The following SLC27A2 variants were observed in gnomAD, a reference collection of about 807,000 sequenced individuals.
The protein encoded by SLC27A2 is solute carrier family 27 member 2.
In SLC27A2, 54 loss-of-function variants were observed where a neutral mutation model predicts 60.0. That is an observed-to-expected ratio of 0.90 (90% CI 0.72 to 1.13). The LOEUF is 1.13. Among genes scored for constraint, SLC27A2 ranks in the 50% most tolerant of loss-of-function variants. The pLI, the probability that SLC27A2 is intolerant of heterozygous loss-of-function variation, is 0.00. For missense variants in SLC27A2, 739 were observed against 777.6 expected, an observed-to-expected ratio of 0.95 and a Z score of 0.59; for synonymous variants, 297 against 297.6, an observed-to-expected ratio of 1.00 and a Z score of 0.02.
At chr15:50,199,496 A>AG (rs1415237386) in intron 2 of SLC27A2, among the ~76,000 whole-genome samples, 4 of 151,712 alleles carry the variant, frequency 2.6e-5, no homozygotes, top group Middle Eastern at 3.4e-3. Context: ...AAAAAAAGAA[A>AG]GAAAAAAAAA....
intron 4 of SLC27A2, among the ~76,000 whole-genome samples, chr15:50,205,869 G>A (rs1272798111): frequency 2.0e-5 from 3 of 152,094 alleles, no homozygotes; most frequent in African/African-American, 7.2e-5. Context: ...TTATACCGAA[G>A]GCATACAGGA....
chr15:50,222,825 G>A (rs1393342807), intron 4 of SLC27A2, 140 bp from the exon 5 acceptor site: 4 of 655,868 alleles, frequency 6.1e-6, no homozygotes, highest in South Asian at 5.1e-5. Flanking sequence ...ACACTAAGGG[G>A]CATTTATAAC....
In SLC27A2 at chr15:50,235,910, TG is replaced by T. The variant is rs766836135; in HGVS notation, c.1687-9del. On this transcript the variant is annotated splice_polypyrimidine_tract_variant and intron_variant, in intron 9 of 9. Transcript: ENST00000267842. ...TGCAACCAAAATGTGGATTATTTGA[TG>T]TTTTTCAGGACACCATTGAGATCAC... The T allele has an allele frequency of 2.5e-6, 4 of 1,601,320 alleles. No homozygotes were observed. The highest frequency in any genetic ancestry group is 3.4e-6 in the Non-Finnish European group (4 of 1,170,648).
intron 7 of SLC27A2, among the ~76,000 whole-genome samples, chr15:50,228,148 C>T (rs760915437): frequency 3.3e-5 from 5 of 151,996 alleles, no homozygotes; most frequent in Admixed American, 1.3e-4. Context: ...GAGGCCGAGG[C>T]GGGTGGATCA....
intron 3 of SLC27A2, among the ~76,000 whole-genome samples, chr15:50,204,461 C>T (rs561835216): frequency 4.0e-5 from 6 of 151,334 alleles, no homozygotes; most frequent in Admixed American, 6.6e-5. Context: ...GGGCCAGGTA[C>T]GGTGGCTCAC....
chr15:50,222,097 T>C (rs1279427105), intron 4 of SLC27A2: 2 of 152,272 alleles, frequency 1.3e-5, no homozygotes, highest in Non-Finnish European at 2.9e-5. Flanking sequence ...GAAGGCAGCC[T>C]GGTCATAGCC....
intron 4 of SLC27A2, among the ~76,000 whole-genome samples, chr15:50,214,156 A>G (rs530890350): frequency 2.0e-5 from 3 of 152,262 alleles, no homozygotes; most frequent in African/African-American, 7.2e-5. Context: ...TGAAATACAA[A>G]AGATCATTCA....
Position 50,202,509 on chromosome 15 carries a change from C to G in SLC27A2, c.711C>G (p.Ile237Met). The G allele has an allele frequency of 6.2e-7, 1 of 1,614,158 alleles. No individual in the cohort carries two copies. Among genetic ancestry groups the G allele is most frequent in the Non-Finnish European group, 8.5e-7 (1 of 1,180,014 alleles). Residue 237 changes from isoleucine to methionine, a missense_variant, in exon 3 of 10, where the codon ATC becomes ATG. Ile to Met is a conservative substitution (Grantham distance 10). Coordinates refer to ENST00000267842, the MANE Select transcript of SLC27A2 (RefSeq NM_003645.4). Reference sequence around the variant, plus strand: ...AAGGTCTTCCAAAAGCAGCCATGATCACTCATCAGCGCATATGGTATGGAA... The same window carrying G: ...AAGGTCTTCCAAAAGCAGCCATGATGACTCATCAGCGCATATGGTATGGAA... ...GTTGLPKAAM[I>M]THQRIWYGTG... is the part of the protein sequence containing the mutation.
chr15:50,229,916 C>T (rs1470516513), intron 8 of SLC27A2, among the ~76,000 whole-genome samples: 2 of 152,118 alleles, frequency 1.3e-5, no homozygotes, highest in Non-Finnish European at 2.9e-5. Context: ...GACACTTCTA[C>T]ATGGCCCTGT....
Position 50,227,712 on chromosome 15 carries a change from C to T in SLC27A2, c.1457+534C>T, listed in dbSNP as rs563628826. 6.6e-5 allele frequency among the ~76,000 whole-genome samples: 10 copies of T among 152,306 alleles called. No homozygotes were observed. The South Asian group carries it at 2.1e-3, about 32-fold the overall frequency. On this transcript the variant is annotated intron_variant, in intron 7 of 9. Coordinates refer to ENST00000267842, the MANE Select transcript of SLC27A2 (RefSeq NM_003645.4). ...ATTAACTTCCAACCATAGCACAGTC[C>T]TCCAGCCTCATGACACAGCTTCCTT...
At chr15:50,190,717 A>G (rs1224364373) in intron 1 of SLC27A2, among the ~76,000 whole-genome samples, 1 of 151,608 alleles carries the variant, frequency 6.6e-6, no homozygotes, top group East Asian at 1.9e-4. Flanking sequence ...GTAGTGTTGT[A>G]ATCACTTGAT....
chr15:50,216,595 G>GTGTGTGTGTGTGTGT (rs1555501322), intron 4 of SLC27A2, among the ~76,000 whole-genome samples: 1 of 69,934 alleles, frequency 1.4e-5, no homozygotes, highest in Non-Finnish European at 3.0e-5. Context: ...AAGAAACTGT[G>GTGTGTGTGTGTGTGT]GTGTGTGTGT....
intron 4 of SLC27A2, among the ~76,000 whole-genome samples, chr15:50,212,630 A>G (rs977602152): frequency 2.6e-5 from 4 of 152,216 alleles, no homozygotes; most frequent in Admixed American, 1.3e-4. Flanking sequence ...TTGGGGCCCT[A>G]TCTTCAACCA....
Position 50,227,126 on chromosome 15 carries a change from G to C in SLC27A2, c.1405G>C (p.Val469Leu). The change falls in exon 7 of 10, where the codon GTT becomes CTT. Residue 469 changes from valine to leucine, a missense_variant. Val to Leu is a conservative substitution (Grantham distance 32, BLOSUM62 1). Coordinates refer to ENST00000267842, the MANE Select transcript of SLC27A2 (RefSeq NM_003645.4). ...LYFNSGDLLM[V>L]DHENFIYFHD... ...TTTCAACAGTGGAGATCTCTTAATGGTTGACCATGAAAATTTCATCTATTT... is the reference window on the plus strand; with the variant it reads ...TTTCAACAGTGGAGATCTCTTAATGCTTGACCATGAAAATTTCATCTATTT... 6.2e-7 allele frequency: 1 copy of C among 1,613,646 alleles called. No individual in the cohort carries two copies. The highest frequency in any genetic ancestry group is 8.5e-7 in the Non-Finnish European group (1 of 1,179,842).
In SLC27A2 at chr15:50,182,330, C is replaced by A; in HGVS notation, c.-98C>A. ...CGGCGTCCCGCCGCGTGCGCCCCGG[C>A]GCAGCCCGCCAGTCCGCCCGGAGCC... On this transcript the variant is annotated 5_prime_UTR_variant, in exon 1 of 10. Transcript: ENST00000267842. 7.4e-7 allele frequency: 1 copy of A among 1,348,482 alleles called. No homozygotes were observed. Among genetic ancestry groups the A allele is most frequent in the Non-Finnish European group, 9.5e-7 (1 of 1,051,274 alleles). 83.5% of individuals were successfully genotyped at this position (1,348,482 alleles called of 1,614,324 possible). A position where few individuals can be genotyped will look rare whatever the true frequency, so the allele number is the denominator to read the frequency against.
intron 2 of SLC27A2, among the ~76,000 whole-genome samples, chr15:50,199,129 A>T (rs2140900637): frequency 6.6e-6 from 1 of 152,220 alleles, no homozygotes; most frequent in South Asian, 2.1e-4. Flanking sequence ...AACATATGGG[A>T]CTTTTATCAT....
intron 4 of SLC27A2, among the ~76,000 whole-genome samples, chr15:50,216,668 A>G (rs1308208562): frequency 7.7e-6 from 1 of 129,482 alleles, no homozygotes; most frequent in Non-Finnish European, 1.6e-5. Context: ...TATAGTTTGA[A>G]GTGAGGTAAT....
chr15:50,195,883 G>A (rs920028192), intron 1 of SLC27A2, among the ~76,000 whole-genome samples: 13 of 148,912 alleles, frequency 8.7e-5, no homozygotes, highest in African/African-American at 3.2e-4. Flanking sequence ...GTGAAACCCC[G>A]TCTCTACTAA....
In SLC27A2 at chr15:50,236,035, T is replaced by C. The variant is rs1320460601; in HGVS notation, c.1802T>C (p.Met601Thr). The C allele has an allele frequency of 1.2e-6, 2 of 1,614,160 alleles. No individual in the cohort carries two copies. The highest frequency in any genetic ancestry group is 1.3e-5 in the African/African-American group (1 of 75,044). Residue 601 changes from methionine to threonine, a missense_variant, in exon 10 of 10, where the codon ATG becomes ACG. Transcript: ENST00000267842. ...ALYFLDDTAK[M>T]YVPMTEDIYN... ...TATTTCTTGGATGACACAGCAAAAA[T>C]GTATGTGCCTATGACTGAGGACATC...
Sources: gnomAD v4.1 joint callset for allele counts (sites outside exome capture counted in the v4.1 genomes callset) on GRCh38, gnomAD v4.1.1 for gene constraint, MANE v1.5 for transcripts, NCBI Gene and HGNC (gene_info 2026-07-23, HGNC 2026-07-21) for gene names.